The following NAV1 variants were observed in gnomAD, a reference collection of about 807,000 sequenced individuals.
NAV1 encodes pore membrane and/or filament interacting like protein 3.
A neutral mutation model predicts 175.2 loss-of-function variants in NAV1; 18 were observed. That is an observed-to-expected ratio of 0.10 (90% CI 0.07 to 0.15). The LOEUF (loss-of-function observed/expected upper bound fraction) is 0.15. Among genes scored for constraint, NAV1 ranks in the 10% least tolerant of loss-of-function variants. The pLI is 1.00. For synonymous variants in NAV1, 897 were observed against 978.7 expected, an observed-to-expected ratio of 0.92 and a Z score of 1.56; for missense variants, 1,731 against 2,436.6, an observed-to-expected ratio of 0.71 and a Z score of 6.10.
intron 2 of NAV1, 89 bp downstream of exon 6, chr1:201,713,008 A>C (rs1571901182): frequency 1.1e-6 from 1 of 923,976 alleles, no homozygotes; most frequent in Non-Finnish European, 1.8e-6. Flanking sequence ...GTCCCTCCAC[A>C]CCTCTGCCAG....
chr1:201,629,543 G>A (rs1281928143), intron 2 of NAV1, 36 bp downstream of exon 4: 2 of 1,279,786 alleles, frequency 1.6e-6, no homozygotes, highest in Non-Finnish European at 2.1e-6. Context: ...CCTAGGGTCG[G>A]GAGGCCACTG....
intron 1 of NAV1, among the ~76,000 whole-genome samples, chr1:201,707,432 G>A (rs1024213372): frequency 1.3e-5 from 2 of 152,230 alleles, no homozygotes; most frequent in African/African-American, 4.8e-5. Context: ...CACCAAGTGG[G>A]TATCATGCCC....
rs1282231800 is a variant in NAV1, at chr1:201,788,491, C to A, written c.3019C>A (p.Pro1007Thr). 2 of 1,614,172 alleles carry A rather than the reference C, an allele frequency of 1.2e-6. No homozygotes were observed. Among genetic ancestry groups the A allele is most frequent in the Non-Finnish European group, 1.7e-6 (2 of 1,180,024 alleles). The change falls in exon 10 of 30, where the codon CCA becomes ACA. Residue 1007 changes from proline to threonine, a missense_variant. By Grantham distance (38) the Pro-to-Thr change is conservative (BLOSUM62 -1). Transcript: ENST00000367296. The surrounding 1 kb of genome is among the most constrained non-coding windows in gnomAD (Gnocchi z 5.7). Reference sequence around the variant, plus strand: ...AGTGAGTCCCACTGCGGCCACCACGCCAAGAATCACCCGCTCCAACAGCAT... The same window carrying A: ...AGTGAGTCCCACTGCGGCCACCACGACAAGAATCACCCGCTCCAACAGCAT...
intron 1 of NAV1, among the ~76,000 whole-genome samples, chr1:201,548,504 T>C (rs1274298854): frequency 2.0e-5 from 3 of 152,134 alleles, no homozygotes; most frequent in Non-Finnish European, 1.5e-5. Flanking sequence ...GAGGTTGCAG[T>C]GAGCTATGAT....
Position 201,703,707 on chromosome 1 carries a change from C to T in NAV1, c.758-9110C>T, listed in dbSNP as rs142953989. Among the ~76,000 whole-genome samples the T allele has an allele frequency of 5.3e-3, 809 of 152,348 alleles. 10 individuals are homozygous for T. The highest frequency in any genetic ancestry group is 0.018 in the African/African-American group (748 of 41,584). On this transcript the variant is annotated intron_variant, in intron 1 of 29. Coordinates refer to ENST00000367296, the Ensembl canonical transcript of NAV1. Reference sequence around the variant, plus strand: ...CTGCCAAAGGCTGCACTTTTGCACACGGCTGAGCAGGGCTGAGCTGTCCTG... The same window carrying T: ...CTGCCAAAGGCTGCACTTTTGCACATGGCTGAGCAGGGCTGAGCTGTCCTG...
At chr1:201,770,268 G>A (rs963329258) in intron 3 of NAV1, among the ~76,000 whole-genome samples, 1 of 152,204 alleles carries the variant, frequency 6.6e-6, no homozygotes, top group Non-Finnish European at 1.5e-5. Context: ...GTGTTCAGTT[G>A]AGCTGGCCTC....
intron 28 of NAV1, among the ~76,000 whole-genome samples, chr1:201,814,116 C>G (rs1262955858): frequency 6.6e-6 from 1 of 152,012 alleles, no homozygotes; most frequent in Non-Finnish European, 1.5e-5. Context: ...CCTGGTAGCT[C>G]TCGCCTGTAA....
intron 7 of NAV1, among the ~76,000 whole-genome samples, chr1:201,784,258 A>G (rs769163823): frequency 2.7e-4 from 41 of 152,128 alleles, no homozygotes; most frequent in Admixed American, 6.5e-5. Flanking sequence ...CCCAGGTTCA[A>G]GCAGTTCTCC....
Position 201,771,518 on chromosome 1 carries a change from A to AC in NAV1, c.1227-8903_1227-8902insC, listed in dbSNP as rs1362856428. 3.3e-5 allele frequency among the ~76,000 whole-genome samples: 5 copies of AC among 151,906 alleles called. 1 individual carries two copies. The highest frequency in any genetic ancestry group is 1.2e-4 in the African/African-American group (5 of 41,472). On this transcript the variant is annotated intron_variant, in intron 3 of 29. Transcript: ENST00000367296. ...TCGTCTAGAAAAAAAAAAAAAAAAA[A>AC]AAAACTGGTGAACTGACCTATAACA...
At chr1:201,644,051 C>A (rs185511059), upstream of NAV1, among the ~76,000 whole-genome samples, 1 of 152,248 alleles carries the variant, frequency 6.6e-6, no homozygotes, top group Admixed American at 6.5e-5. Flanking sequence ...GTCTTTGGGG[C>A]GCTGAGGATT....
rs759828626 is a variant in NAV1, at chr1:201,787,979, A to G, written c.2996-489A>G. 1.3e-5 allele frequency among the ~76,000 whole-genome samples: 2 copies of G among 152,174 alleles called. No individual in the cohort carries two copies. Among genetic ancestry groups the G allele is most frequent in the Non-Finnish European group, 2.9e-5 (2 of 68,014 alleles). On this transcript the variant is annotated intron_variant, in intron 9 of 29. Coordinates refer to ENST00000367296, the Ensembl canonical transcript of NAV1. This position sits in a 1 kb window ranked among gnomAD's most constrained non-coding sequence, Gnocchi z 4.3. Reference sequence around the variant, plus strand: ...TGGGGAGATTCTCACGCCCTTCCACAATGCCAGGGCAACGGGATCCCGTAG... The same window carrying G: ...TGGGGAGATTCTCACGCCCTTCCACGATGCCAGGGCAACGGGATCCCGTAG...
chr1:201,709,692 G>C (rs1388769116), intron 1 of NAV1, among the ~76,000 whole-genome samples: 2 of 152,182 alleles, frequency 1.3e-5, no homozygotes, highest in African/African-American at 2.4e-5. Flanking sequence ...GGAGCTGCAG[G>C]GTGTAGCCTC....
rs1184065843 is a variant in NAV1 at position 201,588,533 on chromosome 1, T to C, written c.-143-6T>C. On this transcript the variant is annotated splice_region_variant and splice_polypyrimidine_tract_variant and intron_variant, in intron 1 of 33. Transcript: ENST00000685211. Reference sequence around the variant, plus strand: ...CAGCTGATTAATTTTTTTTTTTTTTTTGTAGAGACAGAGTCTTGCTATGTT... The same window carrying C: ...CAGCTGATTAATTTTTTTTTTTTTTCTGTAGAGACAGAGTCTTGCTATGTT... Among the ~76,000 whole-genome samples, 8 of 151,066 alleles carry C rather than the reference T, an allele frequency of 5.3e-5. No individual in the cohort carries two copies. The highest frequency in any genetic ancestry group is 9.7e-5 in the African/African-American group (4 of 41,026).
chr1:201,568,987 AG>A (rs1666450382), intron 1 of NAV1, among the ~76,000 whole-genome samples: 1 of 152,104 alleles, frequency 6.6e-6, no homozygotes, highest in Non-Finnish European at 1.5e-5. Flanking sequence ...CCTCTGTGCA[AG>A]GTGGGGCCTT....
chr1:201,601,053 C>T lies in NAV1; in HGVS notation c.-33+12404C>T, dbSNP rs1012650181. 3.3e-5 allele frequency among the ~76,000 whole-genome samples: 5 copies of T among 152,220 alleles called. No homozygotes were observed. The South Asian group carries it at 8.3e-4, about 25-fold the overall frequency. ...ACTTATGGCAGCCATAGCAGTCACC[C>T]GTCTCATCTAGCTCCAGGGAGCTAC... On this transcript the variant is annotated intron_variant, in intron 2 of 33. Coordinates refer to the NAV1 transcript ENST00000685211.
At chr1:201,691,436 A>C (rs1003078774) in intron 1 of NAV1, among the ~76,000 whole-genome samples, 26 of 152,258 alleles carry the variant, frequency 1.7e-4, no homozygotes, top group Non-Finnish European at 1.9e-4. Flanking sequence ...TCAGCTTTTT[A>C]TCCCTAGAGT....
intron 1 of NAV1, among the ~76,000 whole-genome samples, chr1:201,561,236 T>C (rs961742563): frequency 1.3e-5 from 2 of 152,206 alleles, no homozygotes; most frequent in Non-Finnish European, 2.9e-5. Context: ...TGGGATATTG[T>C]CAGTCAATGA....
chr1:201,624,626 G>A (rs952972152), intron 1 of NAV1, among the ~76,000 whole-genome samples: 38 of 151,844 alleles, frequency 2.5e-4, no homozygotes, highest in Admixed American at 1.5e-3. Context: ...GATTACAGGC[G>A]TGAGCCACCG....
intron 2 of NAV1, among the ~76,000 whole-genome samples, chr1:201,635,391 T>C (rs983242671): frequency 6.6e-6 from 1 of 152,160 alleles, no homozygotes; most frequent in African/African-American, 2.4e-5. Flanking sequence ...CAGGTGTTAT[T>C]CTAGAAGCTT....
Sources: allele counts gnomAD v4.1 joint callset (sites outside exome capture counted in the v4.1 genomes callset), GRCh38; gene constraint gnomAD v4.1.1; non-coding constraint Gnocchi (gnomAD v3.1); transcripts MANE v1.5; gene names NCBI Gene and HGNC (gene_info 2026-07-23, HGNC 2026-07-21).